DIAPH2: variants seen among roughly 807,000 people sequenced by gnomAD.
The protein encoded by DIAPH2 is diaphanous related formin 2.
A neutral mutation model predicts 92.7 loss-of-function variants in DIAPH2; 35 were observed. The ratio of observed to expected loss-of-function variants is 0.38; its 90% confidence interval spans 0.29 to 0.50. The LOEUF (loss-of-function observed/expected upper bound fraction) is 0.50, where lower values mean the gene tolerates loss of function less well. Ranked by LOEUF, DIAPH2 falls within the 20% of genes least tolerant of loss-of-function variation. The pLI is 0.94. For missense variants in DIAPH2, 701 were observed against 819.5 expected (o/e 0.86, Z 1.77); for synonymous variants, 301 against 280.4 (o/e 1.07, Z -0.73).
chrX:97,192,195 G>A (rs1402865238), intron 22 of DIAPH2, among the ~76,000 whole-genome samples: 1 of 106,133 alleles, frequency 9.4e-6, no homozygotes, highest in Non-Finnish European at 1.9e-5. Context: ...TTGGGAGGCT[G>A]AGGCAGGAGA....
chrX:96,865,265 G>A (rs1480501351), intron 4 of DIAPH2, among the ~76,000 whole-genome samples: 4 of 111,723 alleles, frequency 3.6e-5, no homozygotes, highest in Non-Finnish European at 3.8e-5. Context: ...AGACCTTGGC[G>A]ATGACCTTGA....
At chrX:97,311,062 G>T (rs2068790105) in intron 23 of DIAPH2, among the ~76,000 whole-genome samples, 1 of 111,500 alleles carries the variant, frequency 9.0e-6, no homozygotes, top group Admixed American at 9.6e-5. Flanking sequence ...TCATAATAAG[G>T]ACCTGAGCTA....
chrX:97,285,383 C>CAAAAAAAAAA (rs11336007), intron 23 of DIAPH2, among the ~76,000 whole-genome samples: 564 of 37,365 alleles, frequency 0.015, no homozygotes, highest in Non-Finnish European at 0.019. Context: ...ACTAAAAATA[C>CAAAAAAAAAA]AAAAAAAAAA....
intron 20 of DIAPH2, among the ~76,000 whole-genome samples, chrX:97,104,755 G>C (rs1354769926): frequency 9.0e-6 from 1 of 111,280 alleles, no homozygotes; most frequent in Non-Finnish European, 1.9e-5. Flanking sequence ...CTTCTTAGAT[G>C]ATAAAAACAA....
rs2067574484 is a variant in DIAPH2 at position 97,185,329 on chromosome X, A to ATATATATATATATATATATATATATATG, written c.2719+43546_2719+43547insATATATATATATATATGTATATATATAT. On this transcript the variant is annotated intron_variant, in intron 22 of 26. Coordinates refer to ENST00000324765, the MANE Select transcript of DIAPH2 (RefSeq NM_006729.5). ...AAAATATATATATATATATATGTGT[A>ATATATATATATATATATATATATATATG]TATATATATATGTATATATATATGT... Among the ~76,000 whole-genome samples, 5 of 9,406 alleles carry ATATATATATATATATATATATATATATG rather than the reference A, an allele frequency of 5.3e-4. 1 individual carries two copies. The highest frequency in any genetic ancestry group is 2.0e-3 in the Admixed American group (1 of 490). The allele number at this position is 9,406 out of a possible 115,157, so 8.2% of individuals were successfully genotyped here. A position where few individuals can be genotyped will look rare whatever the true frequency, so the allele number is the denominator to read the frequency against.
At chrX:97,268,848 TTTTC>T (rs2068360363) in intron 23 of DIAPH2, among the ~76,000 whole-genome samples, 1 of 106,254 alleles carries the variant, frequency 9.4e-6, no homozygotes, top group African/African-American at 3.5e-5. Context: ...TTTTTTTTTC[TTTTC>T]TTTCTTTTTT....
intron 24 of DIAPH2, among the ~76,000 whole-genome samples, chrX:97,377,666 C>G (rs1057332582): frequency 6.3e-5 from 7 of 111,674 alleles, no homozygotes; most frequent in African/African-American, 2.3e-4. Flanking sequence ...TCTCCCAGCC[C>G]TTCAAGGCCA....
At chrX:96,773,662 C>A (rs772032481) in intron 4 of DIAPH2, among the ~76,000 whole-genome samples, 1 of 110,971 alleles carries the variant, frequency 9.0e-6, no homozygotes, top group Non-Finnish European at 1.9e-5. Context: ...CCAGCCTGGG[C>A]AGCGTGGCAA....
chrX:97,152,989 G>C (rs1371078178), intron 22 of DIAPH2, among the ~76,000 whole-genome samples: 1 of 111,801 alleles, frequency 8.9e-6, no homozygotes, highest in East Asian at 2.8e-4. Context: ...ATGAGAATCA[G>C]GACACACACA....
rs1478118533 is a variant in DIAPH2 at position 97,600,467 on chromosome X, C to T, written c.*1150C>T. 9.0e-6 allele frequency: 1 copy of T among 110,602 alleles called. No individual in the cohort carries two copies. The highest frequency in any genetic ancestry group is 3.3e-5 in the African/African-American group (1 of 30,766). 9.1% of individuals were successfully genotyped at this position (110,602 alleles called of 1,213,427 possible). On this transcript the variant is annotated 3_prime_UTR_variant, in exon 27 of 27. Coordinates refer to ENST00000324765, the MANE Select transcript of DIAPH2 (RefSeq NM_006729.5). ...CTATCTCTTGCTACAATAATTCCAACTAAGTGAACTTCTCAATTATCATCA... is the reference window on the plus strand; with the variant it reads ...CTATCTCTTGCTACAATAATTCCAATTAAGTGAACTTCTCAATTATCATCA...
rs1222759700 is a variant in DIAPH2, at chrX:97,082,698, T to C, written c.2247+7437T>C. ...ACTTGGTAAGTGGCCTCTTTTTCCT[T>C]ATATAAACTTCCAAAATCTGAACTG... On this transcript the variant is annotated intron_variant, in intron 19 of 26. Coordinates refer to ENST00000324765, the MANE Select transcript of DIAPH2 (RefSeq NM_006729.5). 2.7e-5 allele frequency among the ~76,000 whole-genome samples: 3 copies of C among 111,373 alleles called. No homozygotes were observed. In the East Asian group the frequency reaches 8.4e-4, roughly 31 times the overall value.
chrX:97,433,010 T>C (rs955975122), intron 26 of DIAPH2, among the ~76,000 whole-genome samples: 1 of 111,317 alleles, frequency 9.0e-6, no homozygotes, highest in Non-Finnish European at 1.9e-5. Context: ...TGTTAATAAA[T>C]GATATGATTA....
chrX:96,734,776 C>A (rs763437544), intron 1 of DIAPH2, among the ~76,000 whole-genome samples: 1 of 111,165 alleles, frequency 9.0e-6, no homozygotes, highest in East Asian at 2.8e-4. Flanking sequence ...TATTTGAAGA[C>A]AATTTTCTGA....
intron 4 of DIAPH2, among the ~76,000 whole-genome samples, chrX:96,802,522 G>GT (rs1226676084): frequency 3.6e-5 from 4 of 111,813 alleles, no homozygotes; most frequent in Non-Finnish European, 7.5e-5. Flanking sequence ...AGACATTTGT[G>GT]TTTTTGGTAT....
chrX:97,365,478 C>G (rs984279130), intron 24 of DIAPH2, among the ~76,000 whole-genome samples: 2 of 110,795 alleles, frequency 1.8e-5, no homozygotes, highest in African/African-American at 6.6e-5. Flanking sequence ...TAATCTAACT[C>G]TCCCCAGCCA....
At chrX:97,334,938 A>T (rs1421165693) in intron 23 of DIAPH2, among the ~76,000 whole-genome samples, 2 of 95,010 alleles carry the variant, frequency 2.1e-5, no homozygotes, top group Non-Finnish European at 4.1e-5. Context: ...CCGAGAACGC[A>T]CCACTGCACT....
At chrX:97,145,750 T>C (rs1267778020) in intron 22 of DIAPH2, among the ~76,000 whole-genome samples, 1 of 110,890 alleles carries the variant, frequency 9.0e-6, no homozygotes, top group Non-Finnish European at 1.9e-5. Context: ...AAATTCAGAC[T>C]GAGAATTCTC....
intron 17 of DIAPH2, among the ~76,000 whole-genome samples, chrX:97,059,734 T>C (rs1193832284): frequency 8.9e-6 from 1 of 111,885 alleles, no homozygotes; most frequent in African/African-American, 3.2e-5. Context: ...TAAGTGGAAG[T>C]GGATCACCAT....
intron 23 of DIAPH2, among the ~76,000 whole-genome samples, chrX:97,322,640 T>G (rs1224418239): frequency 5.4e-5 from 6 of 110,979 alleles, no homozygotes; most frequent in Non-Finnish European, 1.1e-4. Flanking sequence ...TGGAGAGGTC[T>G]GGGAGTCTAT....
Sources: gnomAD v4.1 joint callset for allele counts (sites outside exome capture counted in the v4.1 genomes callset) on GRCh38, gnomAD v4.1.1 for gene constraint, MANE v1.5 for transcripts, NCBI Gene and HGNC (gene_info 2026-07-23, HGNC 2026-07-21) for gene names.